The following STK39 variants were observed in gnomAD, a reference collection of about 807,000 sequenced individuals.
The protein encoded by STK39 is serine/threonine kinase 39, also known as STE20/SPS1-related proline-alanine-rich protein kinase.
A neutral mutation model predicts 77.8 loss-of-function variants in STK39; 20 were observed. The observed-to-expected ratio is 0.26, with a 90% CI of 0.18 to 0.37. STK39 has a LOEUF of 0.37. Ranked by LOEUF, STK39 falls within the 10% of genes least tolerant of loss-of-function variation. The pLI, the probability that STK39 is intolerant of heterozygous loss-of-function variation, is 1.00. For synonymous variants in STK39, 246 were observed against 234.1 expected, an observed-to-expected ratio of 1.05 and a Z score of -0.47; for missense variants, 479 against 656.5, an observed-to-expected ratio of 0.73 and a Z score of 2.95.
At chr2:168,221,684 A>T (rs997074862) in intron 1 of STK39, among the ~76,000 whole-genome samples, 6 of 152,192 alleles carry the variant, frequency 3.9e-5, no homozygotes, top group Non-Finnish European at 7.3e-5. Context: ...CTCAAAGGGT[A>T]TAATCATTTC....
At chr2:168,160,912 C>T (rs1307515881) in intron 5 of STK39, among the ~76,000 whole-genome samples, 2 of 146,646 alleles carry the variant, frequency 1.4e-5, no homozygotes, top group Non-Finnish European at 3.0e-5. Context: ...ATCCAGCCTC[C>T]ACGATGAGGA....
At chr2:168,180,946 C>T (rs1689069276) in intron 2 of STK39, among the ~76,000 whole-genome samples, 1 of 152,202 alleles carries the variant, frequency 6.6e-6, no homozygotes, top group Admixed American at 6.5e-5. Flanking sequence ...AAAAGTACAG[C>T]TTTATCCTTG....
chr2:168,052,296 T>C (rs1214400947), intron 14 of STK39, among the ~76,000 whole-genome samples: 1 of 152,224 alleles, frequency 6.6e-6, no homozygotes, highest in Non-Finnish European at 1.5e-5. Context: ...CCACACCTTC[T>C]ATGAACTTTT....
chr2:168,088,364 G>A (rs1464978608), intron 10 of STK39, among the ~76,000 whole-genome samples: 1 of 152,102 alleles, frequency 6.6e-6, no homozygotes, highest in Non-Finnish European at 1.5e-5. Context: ...TCAATACATA[G>A]TCAATTTTCA....
intron 14 of STK39, among the ~76,000 whole-genome samples, chr2:168,018,529 AAAAGAAAGAAAAGAAAGAAAGAAAGAAAG>A (rs1684477874): frequency 2.5e-5 from 2 of 80,812 alleles, no homozygotes; most frequent in African/African-American, 7.3e-5. Flanking sequence ...GAAAAGAAAG[AAAAGAAAGAAAAGAAAGAAAGAAAGAAAG>A]AAAGAAAGAA....
At chr2:168,228,961 G>A (rs55844638) in intron 1 of STK39, among the ~76,000 whole-genome samples, 12,204 of 152,072 alleles carry the variant, frequency 0.08, 834 homozygotes, top group East Asian at 0.2. Flanking sequence ...TAATAAACAG[G>A]TCACTTAGCC....
chr2:167,989,500 T>A lies in STK39; in HGVS notation c.1498+23134A>T, dbSNP rs1683644272. 2.6e-5 allele frequency among the ~76,000 whole-genome samples: 4 copies of A among 152,260 alleles called. No homozygotes were observed. The South Asian group carries it at 8.3e-4, about 32-fold the overall frequency. ...TAAATGAAATCAAGATTTTAAATAG[T>A]CAACCAATGCTGGAAGAGAGCTGGT... On this transcript the variant is annotated intron_variant, in intron 16 of 17. Coordinates refer to ENST00000355999, the MANE Select transcript of STK39 (RefSeq NM_013233.3).
chr2:168,170,819 A>G (rs1688805375), intron 2 of STK39, among the ~76,000 whole-genome samples: 1 of 152,204 alleles, frequency 6.6e-6, no homozygotes, highest in African/African-American at 2.4e-5. Context: ...GGTAAGAAGC[A>G]AAGCTGGAAA....
intron 2 of STK39, among the ~76,000 whole-genome samples, chr2:168,177,363 A>G (rs183875602): frequency 2.0e-5 from 3 of 152,212 alleles, no homozygotes; most frequent in African/African-American, 7.2e-5. Flanking sequence ...TGTAGGAATG[A>G]GCAAATGAGG....
intron 1 of STK39, chr2:168,232,077 C>G (rs543295068): frequency 3.9e-6 from 1 of 253,380 alleles, no homozygotes; most frequent in Non-Finnish European, 8.7e-6. Flanking sequence ...AGAGACCACA[C>G]AGTGCCCCTG....
At chr2:168,117,184 C>A (rs556472258) in intron 10 of STK39, among the ~76,000 whole-genome samples, 1 of 152,174 alleles carries the variant, frequency 6.6e-6, no homozygotes, top group Non-Finnish European at 1.5e-5. Context: ...TTGGTGCTAA[C>A]AAAGTTGATT....
chr2:168,134,045 G>A (rs1389455372), intron 8 of STK39, among the ~76,000 whole-genome samples: 1 of 152,142 alleles, frequency 6.6e-6, no homozygotes, highest in Non-Finnish European at 1.5e-5. Context: ...CCTTTTAGCT[G>A]AGTACTACAG....
chr2:168,180,121 C>A (rs1463366109), intron 2 of STK39, among the ~76,000 whole-genome samples: 1 of 152,162 alleles, frequency 6.6e-6, no homozygotes, highest in African/African-American at 2.4e-5. Flanking sequence ...CCGAGGCGGA[C>A]AGATCACCTG....
intron 3 of STK39, among the ~76,000 whole-genome samples, chr2:168,164,895 C>T (rs1461736145): frequency 2.6e-5 from 4 of 152,128 alleles, no homozygotes; most frequent in Non-Finnish European, 4.4e-5. Flanking sequence ...GGGGGTTTGA[C>T]ATTTCTGAAG....
At position 167,964,644 on chromosome 2, in the gene STK39, C is replaced by T. The variant is rs773931760; in HGVS notation, c.1563+18G>A. The T allele has an allele frequency of 1.2e-6, 2 of 1,601,508 alleles. No homozygotes were observed. Among genetic ancestry groups the T allele is most frequent in the South Asian group, 1.1e-5 (1 of 89,872 alleles). ...ATGGCAAAATATTACCTCCTTCTTT[C>T]CATAACTTTCCACTTACCAACTTAA... On this transcript the variant is annotated intron_variant, in intron 17 of 17. Transcript: ENST00000355999.
At chr2:168,123,413 G>GA (rs1460552561) in intron 10 of STK39, among the ~76,000 whole-genome samples, 1 of 152,268 alleles carries the variant, frequency 6.6e-6, no homozygotes, top group Admixed American at 6.5e-5. Flanking sequence ...GAGTATCCTT[G>GA]TTTTTAGGAA....
chr2:168,036,879 G>A (rs544920565), intron 14 of STK39, among the ~76,000 whole-genome samples: 8 of 152,294 alleles, frequency 5.3e-5, no homozygotes, highest in African/African-American at 1.9e-4. Context: ...TCATTATAAA[G>A]GGATAATTTG....
At chr2:168,082,691 C>T (rs1046089705) in intron 10 of STK39, among the ~76,000 whole-genome samples, 1 of 152,234 alleles carries the variant, frequency 6.6e-6, no homozygotes, top group African/African-American at 2.4e-5. Flanking sequence ...CACTGTTGCC[C>T]TGAGTGAACA....
chr2:167,964,749 G>C, intron 16 of STK39, 23 bp from the exon 17 acceptor site: 1 of 1,586,052 alleles, frequency 6.3e-7, no homozygotes, highest in Non-Finnish European at 8.6e-7. Context: ...AACGTAGAGA[G>C]AAAGTTTCCA....
Sources: gnomAD v4.1 joint callset for allele counts (sites outside exome capture counted in the v4.1 genomes callset) on GRCh38, gnomAD v4.1.1 for gene constraint, MANE v1.5 for transcripts, NCBI Gene and HGNC (gene_info 2026-07-23, HGNC 2026-07-21) for gene names.